OXR1: variants seen among roughly 807,000 people sequenced by gnomAD.
The protein encoded by OXR1 is oxidation resistance 1.
A neutral mutation model predicts 104.6 loss-of-function variants in OXR1; 41 were observed. That is an observed-to-expected ratio of 0.39 (90% CI 0.31 to 0.51). OXR1 has a LOEUF of 0.51. Ranked by LOEUF, OXR1 falls within the 20% of genes least tolerant of loss-of-function variation. OXR1 has a pLI of 0.77. For synonymous variants in OXR1, 348 were observed against 348.4 expected (o/e 1.00, Z 0.01); for missense variants, 955 against 1,031.9 (o/e 0.93, Z 1.02).
At chr8:106,453,677 C>G (rs1372321154) in intron 2 of OXR1, among the ~76,000 whole-genome samples, 1 of 152,218 alleles carries the variant, frequency 6.6e-6, no homozygotes, top group Non-Finnish European at 1.5e-5. Flanking sequence ...TTCTTAAACT[C>G]TCATGGTGGC....
At chr8:106,382,314 A>G (rs1000278324) in intron 2 of OXR1, among the ~76,000 whole-genome samples, 1 of 152,176 alleles carries the variant, frequency 6.6e-6, no homozygotes, top group Non-Finnish European at 1.5e-5. Context: ...TTACTAACCC[A>G]GATCCCCAAG....
intron 1 of OXR1, among the ~76,000 whole-genome samples, chr8:106,302,361 T>A (rs374434723): frequency 6.6e-6 from 1 of 151,972 alleles, no homozygotes; most frequent in Admixed American, 6.6e-5. Context: ...GGCGGGTGGA[T>A]CACGAGGTCA....
At chr8:106,425,631 T>C (rs1819086528) in intron 2 of OXR1, among the ~76,000 whole-genome samples, 1 of 152,186 alleles carries the variant, frequency 6.6e-6, no homozygotes, top group African/African-American at 2.4e-5. Flanking sequence ...CATTTCTGTC[T>C]CTGAAATGTT....
chr8:106,435,946 A>G (rs897560451), intron 2 of OXR1, among the ~76,000 whole-genome samples: 5 of 152,314 alleles, frequency 3.3e-5, no homozygotes, highest in South Asian at 4.1e-4. Flanking sequence ...GATGAAGAGT[A>G]AAGTAGAGCT....
chr8:106,378,314 C>T (rs1816991153), intron 2 of OXR1, among the ~76,000 whole-genome samples: 1 of 152,186 alleles, frequency 6.6e-6, no homozygotes, highest in Non-Finnish European at 1.5e-5. Flanking sequence ...GGGACAACCT[C>T]TTACTGCTGC....
At chr8:106,666,228 C>T (rs774937833) in intron 3 of OXR1, among the ~76,000 whole-genome samples, 2 of 152,084 alleles carry the variant, frequency 1.3e-5, no homozygotes, top group Admixed American at 1.3e-4. Context: ...TAGATAGTTA[C>T]GACTCTCTGT....
intron 2 of OXR1, among the ~76,000 whole-genome samples, chr8:106,409,624 G>A (rs1360784688): frequency 2.0e-5 from 3 of 152,138 alleles, no homozygotes; most frequent in Non-Finnish European, 2.9e-5. Flanking sequence ...GACATCCATG[G>A]AAATTAATTC....
At chr8:106,389,845 C>T (rs1168125016) in intron 2 of OXR1, among the ~76,000 whole-genome samples, 1 of 152,074 alleles carries the variant, frequency 6.6e-6, no homozygotes, top group Admixed American at 6.6e-5. Flanking sequence ...GTGGGTGGAT[C>T]ACTTGAGGTC....
chr8:106,591,186 G>A (rs186830470), intron 3 of OXR1, among the ~76,000 whole-genome samples: 1 of 149,044 alleles, frequency 6.7e-6, no homozygotes, highest in African/African-American at 2.5e-5. Context: ...CTATCGCAAG[G>A]ACAAAAAACC....
chr8:106,402,453 T>C (rs939139097), intron 2 of OXR1, among the ~76,000 whole-genome samples: 2 of 152,206 alleles, frequency 1.3e-5, no homozygotes, highest in Non-Finnish European at 2.9e-5. Flanking sequence ...ATTTCAGTTA[T>C]GTATTCTGGA....
intron 2 of OXR1, among the ~76,000 whole-genome samples, chr8:106,464,746 A>T (rs7817463): frequency 0.25 from 37,627 of 151,860 alleles, 6,574 homozygotes; most frequent in African/African-American, 0.48. Flanking sequence ...AATATTTTTT[A>T]AAAAACATTC....
At chr8:106,308,987 G>GTT (rs200198130) in intron 1 of OXR1, among the ~76,000 whole-genome samples, 9 of 140,762 alleles carry the variant, frequency 6.4e-5, no homozygotes, top group Non-Finnish European at 7.9e-5. Context: ...TTTTTTTTTT[G>GTT]TTTTTTTTTG....
At position 106,508,625 on chromosome 8, in the gene OXR1, T is replaced by C. The variant is rs543629907; in HGVS notation, c.24-10318T>C. On this transcript the variant is annotated intron_variant, in intron 2 of 16. Coordinates refer to ENST00000517566, the MANE Select transcript of OXR1 (RefSeq NM_001198533.2). ...AAAAACCACAAAATGTCATTTTTAC[T>C]TAAAACATTTATAATGACTTAAGGA... is the stretch of plus-strand genomic sequence containing the variant. Among the ~76,000 whole-genome samples, 16 of 152,376 alleles carry C rather than the reference T, an allele frequency of 1.1e-4. No homozygotes were observed. In the East Asian group the frequency reaches 3.1e-3, roughly 29 times the overall value.
intron 2 of OXR1, among the ~76,000 whole-genome samples, chr8:106,513,957 C>G (rs530200271): frequency 1.3e-5 from 2 of 152,074 alleles, no homozygotes; most frequent in Non-Finnish European, 2.9e-5. Flanking sequence ...TTGTTCTTTT[C>G]TTCTCAAAAG....
intron 2 of OXR1, among the ~76,000 whole-genome samples, chr8:106,489,424 G>T (rs1009310303): frequency 1.3e-5 from 2 of 152,146 alleles, no homozygotes; most frequent in Non-Finnish European, 2.9e-5. Flanking sequence ...GCTCAGCATT[G>T]TAAGTTTTCC....
intron 1 of OXR1, among the ~76,000 whole-genome samples, chr8:106,328,167 A>G (rs1192740137): frequency 6.6e-6 from 1 of 152,216 alleles, no homozygotes; most frequent in African/African-American, 2.4e-5. Context: ...CTCATAGCTA[A>G]CAATCCAGTG....
chr8:106,330,681 C>A (rs1331518810), intron 1 of OXR1, among the ~76,000 whole-genome samples: 1 of 152,178 alleles, frequency 6.6e-6, no homozygotes, highest in Non-Finnish European at 1.5e-5. Context: ...ACTCCACCTT[C>A]CCTGTGCCGG....
intron 2 of OXR1, among the ~76,000 whole-genome samples, chr8:106,362,176 G>A (rs796437861): frequency 3.3e-5 from 5 of 152,214 alleles, no homozygotes; most frequent in African/African-American, 9.6e-5. Context: ...TGTCTGCTTG[G>A]CTGTCTTGTC....
At chr8:106,684,469 C>G (rs900437137) in intron 6 of OXR1, 110 bp downstream of exon 6, 1 of 634,214 alleles carries the variant, frequency 1.6e-6, no homozygotes, top group African/African-American at 1.8e-5. Flanking sequence ...GAAATATTTC[C>G]TTTTTATTTT....
Sources: allele counts gnomAD v4.1 joint callset (sites outside exome capture counted in the v4.1 genomes callset), GRCh38; gene constraint gnomAD v4.1.1; transcripts MANE v1.5; gene names NCBI Gene and HGNC (gene_info 2026-07-23, HGNC 2026-07-21).